The following CPED1 variants were observed in gnomAD, a reference collection of about 807,000 sequenced individuals.
The protein encoded by CPED1 is cadherin-like and PC-esterase domain-containing protein 1.
In CPED1, 114 loss-of-function variants were observed where a neutral mutation model predicts 128.2. The observed-to-expected ratio is 0.89, with a 90% CI of 0.76 to 1.04. CPED1 has a LOEUF of 1.04. Ranked by LOEUF, CPED1 falls within the 50% of genes least tolerant of loss-of-function variation. The pLI is 0.00. For missense variants in CPED1, 1,211 were observed against 1,207.1 expected, an observed-to-expected ratio of 1.00 and a Z score of -0.05; for synonymous variants, 462 against 426.7, an observed-to-expected ratio of 1.08 and a Z score of -1.02.
chr7:121,107,780 A>AT (rs1212448152), intron 7 of CPED1, among the ~76,000 whole-genome samples: 1 of 152,092 alleles, frequency 6.6e-6, no homozygotes, highest in East Asian at 1.9e-4. Context: ...AATGTATATC[A>AT]TTTTTGAGAT....
intron 5 of CPED1, chr7:121,076,497 C>T (rs1157907808): frequency 1.3e-5 from 2 of 152,084 alleles, no homozygotes; most frequent in Non-Finnish European, 2.9e-5. Flanking sequence ...GTTGGTTGAT[C>T]CTTATGCATG....
At chr7:121,192,748 C>T (rs1366099161) in intron 16 of CPED1, among the ~76,000 whole-genome samples, 1 of 152,056 alleles carries the variant, frequency 6.6e-6, no homozygotes, top group Admixed American at 6.6e-5. Context: ...TTATTCATTT[C>T]CTCACTTGAA....
intron 16 of CPED1, among the ~76,000 whole-genome samples, chr7:121,153,878 C>G (rs1421153229): frequency 1.3e-5 from 2 of 152,024 alleles, no homozygotes; most frequent in Non-Finnish European, 2.9e-5. Flanking sequence ...CTAGAATCAT[C>G]AAAAATAAGA....
chr7:121,273,409 C>A (rs1456631870), intron 22 of CPED1, among the ~76,000 whole-genome samples: 1 of 151,972 alleles, frequency 6.6e-6, no homozygotes, highest in African/African-American at 2.4e-5. Flanking sequence ...GTAATCCCAG[C>A]TACTGGGGAG....
At chr7:121,049,898 T>G (rs1412663263) in intron 4 of CPED1, among the ~76,000 whole-genome samples, 1 of 152,214 alleles carries the variant, frequency 6.6e-6, no homozygotes, top group African/African-American at 2.4e-5. Context: ...GGTACTGGCA[T>G]CTATAGGTTA....
At chr7:121,276,054 G>T (rs1413543079) in intron 22 of CPED1, among the ~76,000 whole-genome samples, 2 of 151,918 alleles carry the variant, frequency 1.3e-5, no homozygotes, top group Non-Finnish European at 2.9e-5. Context: ...TATTTTTAAT[G>T]AATTAGTATG....
intron 16 of CPED1, among the ~76,000 whole-genome samples, chr7:121,235,384 A>G (rs1048031217): frequency 1.3e-5 from 2 of 152,234 alleles, no homozygotes; most frequent in Non-Finnish European, 2.9e-5. Flanking sequence ...AAATATGTAC[A>G]CTGAATCAAG....
intron 5 of CPED1, among the ~76,000 whole-genome samples, chr7:121,077,479 G>A (rs1310254797): frequency 6.6e-6 from 1 of 151,988 alleles, no homozygotes; most frequent in Non-Finnish European, 1.5e-5. Flanking sequence ...TCCCATTCAT[G>A]TGCAATTTTT....
At chr7:121,250,499 C>CA (rs1412600064) in intron 18 of CPED1, among the ~76,000 whole-genome samples, 1 of 151,918 alleles carries the variant, frequency 6.6e-6, no homozygotes, top group Non-Finnish European at 1.5e-5. Context: ...AATAGAGACA[C>CA]AAAAAACCCT....
chr7:121,143,746 G>A (rs1795956772), intron 16 of CPED1, among the ~76,000 whole-genome samples: 1 of 151,840 alleles, frequency 6.6e-6, no homozygotes, highest in African/African-American at 2.4e-5. Flanking sequence ...GACCACTTTG[G>A]AGAACTTTGG....
At chr7:121,190,091 C>T (rs1282648270) in intron 16 of CPED1, among the ~76,000 whole-genome samples, 1 of 151,580 alleles carries the variant, frequency 6.6e-6, no homozygotes, top group East Asian at 1.9e-4. Flanking sequence ...ATGATAAGTG[C>T]TCTGAAGAAA....
At chr7:121,045,165 G>A (rs1793162349) in intron 3 of CPED1, among the ~76,000 whole-genome samples, 2 of 152,228 alleles carry the variant, frequency 1.3e-5, no homozygotes, top group South Asian at 4.1e-4. Flanking sequence ...AAGTGAGAGT[G>A]TATGGAGCAG....
chr7:121,250,274 G>A (rs1584631374), intron 18 of CPED1, among the ~76,000 whole-genome samples: 1 of 151,688 alleles, frequency 6.6e-6, no homozygotes, highest in Non-Finnish European at 1.5e-5. Context: ...TGAAACCAAC[G>A]AGAACAAAGA....
At chr7:121,085,982 G>A (rs1794418144) in intron 5 of CPED1, among the ~76,000 whole-genome samples, 1 of 152,096 alleles carries the variant, frequency 6.6e-6, no homozygotes, top group Non-Finnish European at 1.5e-5. Context: ...ATACCATTGT[G>A]ATCCAAATAT....
At chr7:121,059,092 G>T (rs558982521) in intron 4 of CPED1, among the ~76,000 whole-genome samples, 4 of 152,300 alleles carry the variant, frequency 2.6e-5, no homozygotes, top group Admixed American at 2.6e-4. Flanking sequence ...ATTATTTGGG[G>T]TAACACTAAG....
chr7:121,127,965 T>C (rs1361384600), intron 10 of CPED1, among the ~76,000 whole-genome samples: 2 of 152,228 alleles, frequency 1.3e-5, no homozygotes, highest in Admixed American at 6.5e-5. Flanking sequence ...TAGAACTCTT[T>C]GGAGGCAGTC....
chr7:121,171,407 A>C (rs1228832667), intron 16 of CPED1, among the ~76,000 whole-genome samples: 1 of 152,196 alleles, frequency 6.6e-6, no homozygotes, highest in Non-Finnish European at 1.5e-5. Flanking sequence ...TTAGCTAGTA[A>C]ATTTTCCCTG....
intron 2 of CPED1, among the ~76,000 whole-genome samples, chr7:121,000,550 A>G (rs1473495645): frequency 6.6e-6 from 1 of 152,146 alleles, no homozygotes. Context: ...AATGGGCCTT[A>G]TCATGTTCCT....
intron 16 of CPED1, among the ~76,000 whole-genome samples, chr7:121,214,520 C>T (rs1412718515): frequency 1.3e-5 from 2 of 152,030 alleles, no homozygotes; most frequent in Non-Finnish European, 2.9e-5. Context: ...TCTCGAACTC[C>T]TGACCTCAAG....
Sources: gnomAD v4.1 joint callset for allele counts (sites outside exome capture counted in the v4.1 genomes callset) on GRCh38, gnomAD v4.1.1 for gene constraint, MANE v1.5 for transcripts, NCBI Gene and HGNC (gene_info 2026-07-23, HGNC 2026-07-21) for gene names.